MAGI2: variants seen among roughly 807,000 people sequenced by gnomAD.
MAGI2 encodes membrane associated guanylate kinase, WW and PDZ domain containing 2.
MAGI2 carries 35 observed loss-of-function variants against 133.3 expected under a neutral mutation model. The observed-to-expected ratio is 0.26, with a 90% CI of 0.20 to 0.35. The LOEUF (loss-of-function observed/expected upper bound fraction) is 0.35, where lower values mean the gene tolerates loss of function less well. Ranked by LOEUF, MAGI2 falls within the 10% of genes least tolerant of loss-of-function variation. The pLI is 1.00. For synonymous variants in MAGI2, 729 were observed against 710.6 expected, an observed-to-expected ratio of 1.03 and a Z score of -0.41; for missense variants, 1,636 against 1,863.4, an observed-to-expected ratio of 0.88 and a Z score of 2.25.
At chr7:78,248,157 A>C (rs1185706694) in intron 10 of MAGI2, among the ~76,000 whole-genome samples, 2 of 152,226 alleles carry the variant, frequency 1.3e-5, no homozygotes, top group Non-Finnish European at 2.9e-5. Context: ...GGAGTCTAAG[A>C]AAGAAGGGGA....
intron 21 of MAGI2, among the ~76,000 whole-genome samples, chr7:78,052,167 G>A (rs1812079117): frequency 6.6e-6 from 1 of 152,116 alleles, no homozygotes; most frequent in Non-Finnish European, 1.5e-5. Flanking sequence ...CCAGCTGTTA[G>A]TTTGGATTTT....
chr7:78,233,469 G>A (rs1289877563), intron 10 of MAGI2, among the ~76,000 whole-genome samples: 2 of 152,098 alleles, frequency 1.3e-5, no homozygotes, highest in Admixed American at 6.6e-5. Context: ...AGGATGAGAG[G>A]TGCAAGGCAG....
chr7:79,006,332 G>A (rs1562778044), intron 2 of MAGI2, among the ~76,000 whole-genome samples: 1 of 152,134 alleles, frequency 6.6e-6, no homozygotes, highest in East Asian at 1.9e-4. Context: ...TCTAGAGAGT[G>A]GAAAGTGTCT....
At chr7:78,557,097 A>AAAAG (rs1554473310) in intron 3 of MAGI2, among the ~76,000 whole-genome samples, 5 of 138,958 alleles carry the variant, frequency 3.6e-5, no homozygotes, top group South Asian at 2.3e-4. Flanking sequence ...AAAAAAAAAA[A>AAAAG]AAAGAAAAAG....
intron 1 of MAGI2, among the ~76,000 whole-genome samples, chr7:79,307,831 A>C (rs1837945784): frequency 6.6e-6 from 1 of 152,202 alleles, no homozygotes; most frequent in Non-Finnish European, 1.5e-5. Flanking sequence ...CTGGGTAAAC[A>C]CTTTATTGAA....
intron 3 of MAGI2, among the ~76,000 whole-genome samples, chr7:78,582,732 C>T (rs116242481): frequency 0.011 from 1,743 of 152,248 alleles, 54 homozygotes; most frequent in African/African-American, 0.039. Context: ...ACATTTGTTA[C>T]GGCAGCTAGC....
At chr7:78,832,369 A>G (rs923340386) in intron 2 of MAGI2, among the ~76,000 whole-genome samples, 1 of 152,176 alleles carries the variant, frequency 6.6e-6, no homozygotes, top group East Asian at 1.9e-4. Flanking sequence ...TTGGAAATAC[A>G]TGAATACATA....
At chr7:78,126,554 T>A (rs939644190) in intron 19 of MAGI2, among the ~76,000 whole-genome samples, 2 of 152,262 alleles carry the variant, frequency 1.3e-5, no homozygotes, top group Non-Finnish European at 2.9e-5. Flanking sequence ...TGTTGAATCC[T>A]CATCCTGGCC....
intron 9 of MAGI2, among the ~76,000 whole-genome samples, chr7:78,297,756 A>T (rs1431426133): frequency 1.3e-5 from 2 of 148,432 alleles, no homozygotes; most frequent in Non-Finnish European, 3.0e-5. Flanking sequence ...GCATATTCTC[A>T]CTCATAGGTG....
chr7:79,130,391 C>G (rs1820823850), intron 1 of MAGI2, among the ~76,000 whole-genome samples: 1 of 152,000 alleles, frequency 6.6e-6, no homozygotes. Context: ...GGTAATTAAC[C>G]ATATTTTCTA....
At chr7:78,867,434 G>T (rs1794652697) in intron 2 of MAGI2, among the ~76,000 whole-genome samples, 1 of 150,992 alleles carries the variant, frequency 6.6e-6, no homozygotes, top group African/African-American at 2.4e-5. Context: ...GTAAACTATT[G>T]CAAGAACAAA....
chr7:78,998,466 T>C (rs1185487038), intron 2 of MAGI2, among the ~76,000 whole-genome samples: 1 of 152,128 alleles, frequency 6.6e-6, no homozygotes, highest in Non-Finnish European at 1.5e-5. Flanking sequence ...GGCCCTATAA[T>C]GAGTTAGTGG....
At chr7:78,956,278 T>C (rs1324242771) in intron 2 of MAGI2, among the ~76,000 whole-genome samples, 1 of 152,172 alleles carries the variant, frequency 6.6e-6, no homozygotes, top group African/African-American at 2.4e-5. Context: ...TTGCATTATG[T>C]TAATAAATGC....
chr7:78,290,376 C>A (rs931084088), intron 9 of MAGI2, among the ~76,000 whole-genome samples: 7 of 152,170 alleles, frequency 4.6e-5, no homozygotes, highest in Non-Finnish European at 7.3e-5. Flanking sequence ...GTAAAGGGAT[C>A]AATGCAACAA....
At chr7:78,834,206 T>C (rs1272103968) in intron 2 of MAGI2, among the ~76,000 whole-genome samples, 1 of 152,184 alleles carries the variant, frequency 6.6e-6, no homozygotes, top group Non-Finnish European at 1.5e-5. Context: ...GAGATGTATT[T>C]CATGTACTGC....
At chr7:79,025,679 C>A (rs577565320) in intron 1 of MAGI2, among the ~76,000 whole-genome samples, 119 of 152,204 alleles carry the variant, frequency 7.8e-4, no homozygotes, top group African/African-American at 1.9e-3. Context: ...CTTTATCAGT[C>A]TTGTCCTAGG....
At chr7:78,056,417 C>T (rs1812569621) in intron 21 of MAGI2, among the ~76,000 whole-genome samples, 1 of 152,184 alleles carries the variant, frequency 6.6e-6, no homozygotes, top group Non-Finnish European at 1.5e-5. Flanking sequence ...TGGAATCAGC[C>T]TAAATGCCCA....
Position 78,627,181 on chromosome 7 carries a change from A to G in MAGI2, c.477T>C (p.Thr159=). 1 of 1,597,204 alleles carries G rather than the reference A, an allele frequency of 6.3e-7. No homozygotes were observed. Among genetic ancestry groups the G allele is most frequent in the Non-Finnish European group, 8.5e-7 (1 of 1,171,980 alleles). The change falls in exon 3 of 22, where the codon ACT becomes ACC. Residue 159 remains threonine (T), a synonymous_variant. Transcript: ENST00000354212. ...TCTCCAATTCCATAAAATCTTCAAC[A>G]GTGATGAAAATATAATCCACTCCAG... ...EVPGVDYIFI[T]VEDFMELEKS... is the part of the protein sequence containing the mutation.
intron 2 of MAGI2, among the ~76,000 whole-genome samples, chr7:78,692,978 A>C (rs1261018246): frequency 1.3e-5 from 2 of 152,170 alleles, no homozygotes; most frequent in African/African-American, 2.4e-5. Context: ...CATATCCAAT[A>C]CTCATGCTTA....
Sources: gnomAD v4.1 joint callset for allele counts (sites outside exome capture counted in the v4.1 genomes callset) on GRCh38, gnomAD v4.1.1 for gene constraint, MANE v1.5 for transcripts, NCBI Gene and HGNC (gene_info 2026-07-23, HGNC 2026-07-21) for gene names.